ITPR3: variants seen among roughly 807,000 people sequenced by gnomAD.
ITPR3 encodes the protein inositol 1,4,5-trisphosphate-gated calcium channel ITPR3.
A neutral mutation model predicts 293.2 loss-of-function variants in ITPR3; 173 were observed. That is an observed-to-expected ratio of 0.59 (90% CI 0.52 to 0.67). The LOEUF (loss-of-function observed/expected upper bound fraction) is 0.67. ITPR3 is among the 30% of genes least tolerant of loss of function. The pLI is 0.00. For missense variants in ITPR3, 2,796 were observed against 3,592.1 expected (o/e 0.78, Z 5.66); for synonymous variants, 1,295 against 1,444.4 (o/e 0.90, Z 2.35).
intron 1 of ITPR3, among the ~76,000 whole-genome samples, chr6:33,628,949 G>A (rs543780790): frequency 6.6e-6 from 1 of 152,284 alleles, no homozygotes; most frequent in East Asian, 1.9e-4. Context: ...ATAGATGATG[G>A]GGGTGATATA....
At chr6:33,668,666 C>T (rs749277859) in intron 17 of ITPR3, 32 bp downstream of exon 17, 2 of 1,613,658 alleles carry the variant, frequency 1.2e-6, no homozygotes, top group Non-Finnish European at 8.5e-7. Context: ...CGCACTTGGG[C>T]TCCACGCTGC....
At chr6:33,690,003 GCTGA>G (rs769356178) in intron 50 of ITPR3, 27 bp from the exon 51 acceptor site, 2 of 1,613,626 alleles carry the variant, frequency 1.2e-6, no homozygotes, top group Admixed American at 1.7e-5. Context: ...GTGGTAGGGT[GCTGA>G]CTCTCATGCC....
At chr6:33,676,637 A>G in intron 25 of ITPR3, 131 bp from the exon 26 acceptor site, 1 of 1,078,888 alleles carries the variant, frequency 9.3e-7, no homozygotes, top group Non-Finnish European at 1.3e-6. Flanking sequence ...TTGAGTGGGA[A>G]TCGGCTCGGT....
Position 33,664,545 on chromosome 6 carries a change from A to G in ITPR3, c.1149-325A>G, listed in dbSNP as rs999791648. Among the ~76,000 whole-genome samples the G allele has an allele frequency of 4.6e-5, 7 of 152,236 alleles. No homozygotes were observed. The highest frequency in any genetic ancestry group is 8.8e-5 in the Non-Finnish European group (6 of 68,048). ...TGAAATGTGTGCATCTTGACATTCAATGGGATAAATAGTTAAATAGCCTCA... is the reference window on the plus strand; with the variant it reads ...TGAAATGTGTGCATCTTGACATTCAGTGGGATAAATAGTTAAATAGCCTCA... On this transcript the variant is annotated intron_variant, in intron 11 of 57. Coordinates refer to ENST00000605930, the MANE Select transcript of ITPR3 (RefSeq NM_002224.4). The surrounding 1 kb of genome is among the most constrained non-coding windows in gnomAD (Gnocchi z 4.4).
intron 30 of ITPR3, 113 bp downstream of exon 30, chr6:33,678,952 A>G: frequency 9.3e-7 from 1 of 1,070,824 alleles, no homozygotes; most frequent in South Asian, 1.5e-5. Context: ...CAAAAGGAAC[A>G]CTCAGCTGCT....
chr6:33,674,029 CCTGCAGGGGAGTAGGGGG>C (rs532792191), intron 23 of ITPR3, among the ~76,000 whole-genome samples, 161 bp from the exon 24 acceptor site: 38 of 152,288 alleles, frequency 2.5e-4, no homozygotes, highest in African/African-American at 7.5e-4. Flanking sequence ...TTTGTACTGC[CCTGCAGGGGAGTAGGGGG>C]CTGTGGCTCC....
intron 7 of ITPR3, 147 bp from the exon 8 acceptor site, chr6:33,662,381 C>A: frequency 2.2e-6 from 2 of 928,974 alleles, no homozygotes; most frequent in Non-Finnish European, 3.1e-6. Context: ...GGGGGCTCAG[C>A]TTGCATCCCC....
intron 2 of ITPR3, among the ~76,000 whole-genome samples, chr6:33,642,094 A>T (rs192813089): frequency 6.6e-6 from 1 of 152,190 alleles, no homozygotes; most frequent in Non-Finnish European, 1.5e-5. Flanking sequence ...TGAGTAATCA[A>T]TGCATGCACA....
intron 57 of ITPR3, 90 bp from the exon 58 acceptor site, chr6:33,695,622 G>A (rs1382952730): frequency 1.1e-5 from 14 of 1,319,640 alleles, no homozygotes; most frequent in Non-Finnish European, 1.4e-5. Context: ...GGCCCACAGG[G>A]GAAGACGGGT....
intron 33 of ITPR3, among the ~76,000 whole-genome samples, chr6:33,681,207 G>C (rs1174213719): frequency 6.6e-6 from 1 of 152,200 alleles, no homozygotes; most frequent in Non-Finnish European, 1.5e-5. Flanking sequence ...CAGTTTCTGT[G>C]GGCCAGAATG....
Position 33,688,420 on chromosome 6 carries a change from G to A in ITPR3, c.6557G>A (p.Arg2186His), listed in dbSNP as rs763958223. 9.2e-6 allele frequency: 9 copies of A among 976,282 alleles called. No homozygotes were observed. Among genetic ancestry groups the A allele is most frequent in the East Asian group, 1.0e-4 (2 of 19,050 alleles). 60.5% of individuals were successfully genotyped at this position (976,282 alleles called of 1,614,324 possible). ...CTGCACAACGAGATGGAGTGGCAGCGCAAGCTCCGCAGTGAGGACCCACGG... is the reference window on the plus strand; with the variant it reads ...CTGCACAACGAGATGGAGTGGCAGCACAAGCTCCGCAGTGAGGACCCACGG... Reference protein sequence around the residue: ...SFLHNEMEWQRKLRSMPLIYW... With the variant: ...SFLHNEMEWQHKLRSMPLIYW... Residue 2186 changes from arginine to histidine, a missense_variant, in exon 48 of 58, where the codon CGC becomes CAC. By Grantham distance (29) the Arg-to-His change is conservative. Coordinates refer to ENST00000605930, the MANE Select transcript of ITPR3 (RefSeq NM_002224.4).
Position 33,689,364 on chromosome 6 carries a change from A to G in ITPR3, c.6821A>G (p.Tyr2274Cys). 1 of 1,611,980 alleles carries G rather than the reference A, an allele frequency of 6.2e-7. No homozygotes were observed. Among genetic ancestry groups the G allele is most frequent in the East Asian group, 2.2e-5 (1 of 44,878 alleles). Reference protein sequence around the residue: ...LIVALILRSIYYLGIGPTLNI... With the variant: ...LIVALILRSICYLGIGPTLNI... ...GTGGCGCTCATCCTGCGCTCCATCTACTATCTGGGCATCGGGCCCACACTC... is the reference window on the plus strand; with the variant it reads ...GTGGCGCTCATCCTGCGCTCCATCTGCTATCTGGGCATCGGGCCCACACTC... The change falls in exon 50 of 58, where the codon TAC becomes TGC. Residue 2274 changes from tyrosine (Y) to cysteine (C), a missense_variant. This residue lies in a region of ITPR3 where 568 missense variants were observed against 796.1 expected (regional missense o/e 0.71). Transcript: ENST00000605930.
At chr6:33,631,701 G>A (rs1473259041) in intron 1 of ITPR3, among the ~76,000 whole-genome samples, 1 of 152,172 alleles carries the variant, frequency 6.6e-6, no homozygotes, top group Non-Finnish European at 1.5e-5. Context: ...AGAAGCTGGT[G>A]GAGCAGAGTG....
chr6:33,693,302 G>T (rs750901041), intron 55 of ITPR3, among the ~76,000 whole-genome samples: 1 of 152,168 alleles, frequency 6.6e-6, no homozygotes, highest in Non-Finnish European at 1.5e-5. Context: ...AGAAATTCTC[G>T]CGTTTACTCC....
At position 33,675,433 on chromosome 6, in the gene ITPR3, A is replaced by T. The variant is rs1324796615; in HGVS notation, c.3117-258A>T. Among the ~76,000 whole-genome samples the T allele has an allele frequency of 6.6e-6, 1 of 152,102 alleles. No homozygotes were observed. Among genetic ancestry groups the T allele is most frequent in the African/African-American group, 2.4e-5 (1 of 41,420 alleles). ...AGAGCAAGACTCTGTCTCAAAAAAA[A>T]AAAAAAAGAGTCCTTGCTTCAGTTG... On this transcript the variant is annotated intron_variant, in intron 24 of 57. Coordinates refer to ENST00000605930, the MANE Select transcript of ITPR3 (RefSeq NM_002224.4). The surrounding 1 kb of genome is among the most constrained non-coding windows in gnomAD (Gnocchi z 5.0).
rs1765538013 is a variant in ITPR3, at chr6:33,696,141, CACT to C, written c.*364_*366del. On this transcript the variant is annotated 3_prime_UTR_variant, in exon 58 of 58. Transcript: ENST00000605930. ...GTGGGGTCACCCCTTTAACTCCAAGCACTACATTTTGGCGGCTGCCGGCCTCTG... is the reference window on the plus strand; with the variant it reads ...GTGGGGTCACCCCTTTAACTCCAAGCACATTTTGGCGGCTGCCGGCCTCTG... 4.1e-6 allele frequency: 1 copy of C among 243,086 alleles called. No individual in the cohort carries two copies. The highest frequency in any genetic ancestry group is 8.1e-6 in the Non-Finnish European group (1 of 123,616). The allele number at this position is 243,086 out of a possible 1,614,324, so 15.1% of individuals were successfully genotyped here.
At chr6:33,681,827 A>G (rs979603014) in intron 33 of ITPR3, among the ~76,000 whole-genome samples, 1 of 151,752 alleles carries the variant, frequency 6.6e-6, no homozygotes, top group Non-Finnish European at 1.5e-5. Context: ...AGCTTTCCCC[A>G]TCCTTGATCA....
At chr6:33,678,875 G>A (rs767869203) in intron 30 of ITPR3, 36 bp downstream of exon 30, 1 of 1,587,550 alleles carries the variant, frequency 6.3e-7, no homozygotes, top group Non-Finnish European at 8.6e-7. Flanking sequence ...AGGCATCTTG[G>A]GGTGGGGGAC....
At chr6:33,636,024 C>T (rs1020445939) in intron 1 of ITPR3, among the ~76,000 whole-genome samples, 1 of 150,310 alleles carries the variant, frequency 6.7e-6, no homozygotes, top group Non-Finnish European at 1.5e-5. Context: ...CGGTGGCTCA[C>T]GCCTGGAATC....
Sources: gnomAD v4.1 joint callset for allele counts (sites outside exome capture counted in the v4.1 genomes callset) on GRCh38, gnomAD v4.1.1 for gene constraint, gnomAD v4.1.1 regional missense constraint, Gnocchi (gnomAD v3.1) non-coding constraint, MANE v1.5 for transcripts, NCBI Gene and HGNC (gene_info 2026-07-23, HGNC 2026-07-21) for gene names.